The following RXFP1 variants were observed in gnomAD, a reference collection of about 807,000 sequenced individuals.
The protein encoded by RXFP1 is relaxin receptor 1.
In RXFP1, 73 loss-of-function variants were observed where a neutral mutation model predicts 89.8. That is an observed-to-expected ratio of 0.81 (90% CI 0.67 to 0.99). The LOEUF is 0.99. Ranked by LOEUF, RXFP1 falls within the 50% of genes least tolerant of loss-of-function variation. The pLI is 0.00. For synonymous variants in RXFP1, 277 were observed against 305.5 expected, an observed-to-expected ratio of 0.91 and a Z score of 0.97; for missense variants, 793 against 895.5, an observed-to-expected ratio of 0.89 and a Z score of 1.46.
chr4:158,580,063 G>T (rs375686578), intron 2 of RXFP1, among the ~76,000 whole-genome samples: 298 of 152,308 alleles, frequency 2.0e-3, no homozygotes, highest in African/African-American at 6.8e-3. Flanking sequence ...GGTGAGAGGG[G>T]AGGCATCAGG....
intron 2 of RXFP1, among the ~76,000 whole-genome samples, chr4:158,574,118 G>C (rs1194821805): frequency 6.6e-6 from 1 of 152,150 alleles, no homozygotes; most frequent in Non-Finnish European, 1.5e-5. Context: ...AACCTGAATT[G>C]TTTGGATCTG....
chr4:158,534,860 ATATATTATTACC>A (rs992824926), intron 1 of RXFP1, among the ~76,000 whole-genome samples: 115 of 148,340 alleles, frequency 7.8e-4, no homozygotes, highest in South Asian at 2.1e-3. Context: ...TATTATTATT[ATATATTATTACC>A]TATATTATTA....
At chr4:158,526,952 G>T (rs549731932) in intron 1 of RXFP1, among the ~76,000 whole-genome samples, 11 of 152,000 alleles carry the variant, frequency 7.2e-5, no homozygotes, top group Non-Finnish European at 1.6e-4. Context: ...TGTTGCTCCA[G>T]GAACTCAAGT....
intron 4 of RXFP1, among the ~76,000 whole-genome samples, chr4:158,604,605 A>G (rs556658420): frequency 6.6e-6 from 1 of 152,308 alleles, no homozygotes; most frequent in East Asian, 1.9e-4. Flanking sequence ...AAGATGATCC[A>G]ATTATAGGTA....
At chr4:158,610,753 C>T in intron 6 of RXFP1, 1 of 1,261,484 alleles carries the variant, frequency 7.9e-7, no homozygotes, top group Non-Finnish European at 1.0e-6. Flanking sequence ...AGAGAACACC[C>T]TGAGGTTGTA....
At chr4:158,645,240 A>G (rs1177730989) in intron 15 of RXFP1, 102 bp downstream of exon 15, 1 of 840,424 alleles carries the variant, frequency 1.2e-6, no homozygotes, top group Non-Finnish European at 1.9e-6. Context: ...GGAATTTTAC[A>G]TTTTTCTCCT....
Position 158,527,577 on chromosome 4 carries a change from A to ATATATATG in RXFP1, c.49+5553_49+5554insATATATGT, listed in dbSNP as rs1387787232. 8.9e-4 allele frequency among the ~76,000 whole-genome samples: 130 copies of ATATATATG among 145,492 alleles called. 2 individuals are homozygous for ATATATATG. In the South Asian group the frequency reaches 0.025, roughly 28 times the overall value. Reference sequence around the variant, plus strand: ...CAAAAAAAAAAAAATATATATATATATGTATATATATACTGTTGCCTCCTA... The same window carrying ATATATATG: ...CAAAAAAAAAAAAATATATATATATATATATATGTGTATATATATACTGTTGCCTCCTA... On this transcript the variant is annotated intron_variant, in intron 1 of 17. Coordinates refer to ENST00000307765, the MANE Select transcript of RXFP1 (RefSeq NM_021634.4).
chr4:158,536,505 T>C (rs762276943), intron 1 of RXFP1, among the ~76,000 whole-genome samples: 5 of 152,208 alleles, frequency 3.3e-5, no homozygotes, highest in Non-Finnish European at 5.9e-5. Context: ...ACCATAGTCA[T>C]GCTATCTAGA....
At position 158,593,515 on chromosome 4, in the gene RXFP1, A is replaced by G. The variant is rs772597472; in HGVS notation, c.286+16A>G. 9 of 1,473,692 alleles carry G rather than the reference A, an allele frequency of 6.1e-6. No individual in the cohort carries two copies. Among genetic ancestry groups the G allele is most frequent in the Non-Finnish European group, 8.4e-6 (9 of 1,066,806 alleles). The allele number at this position is 1,473,692 out of a possible 1,614,324, so 91.3% of individuals were successfully genotyped here. A position where few individuals can be genotyped will look rare whatever the true frequency, so the allele number is the denominator to read the frequency against. ...CCTGAATGTTGTAAGTAATCAGAGC[A>G]GTTATTTTCTTTTCCATGAGTTCAT... On this transcript the variant is annotated intron_variant, in intron 3 of 17. Coordinates refer to ENST00000307765, the MANE Select transcript of RXFP1 (RefSeq NM_021634.4).
intron 6 of RXFP1, chr4:158,610,510 G>A: frequency 2.5e-6 from 1 of 407,708 alleles, no homozygotes; most frequent in Non-Finnish European, 4.7e-6. Flanking sequence ...TCTAAGATGG[G>A]AAAACAATGC....
intron 3 of RXFP1, among the ~76,000 whole-genome samples, chr4:158,597,416 AC>A (rs1418700526): frequency 6.6e-6 from 1 of 152,222 alleles, no homozygotes; most frequent in Non-Finnish European, 1.5e-5. Context: ...TTCAGAAGCT[AC>A]CAGCATTAAC....
At chr4:158,545,956 C>A (rs2149856198) in intron 1 of RXFP1, among the ~76,000 whole-genome samples, 1 of 151,438 alleles carries the variant, frequency 6.6e-6, no homozygotes, top group African/African-American at 2.5e-5. Context: ...TCCATATGAA[C>A]TTTAAAGTAG....
chr4:158,612,753 G>A lies in RXFP1; in HGVS notation c.680+391G>A, dbSNP rs184329701. On this transcript the variant is annotated intron_variant, in intron 8 of 17. Transcript: ENST00000307765. The stretch of plus-strand genomic sequence containing the variant: ...AGCCTCCCAAGTAGCTGGGATTACA[G>A]GTGTGTGCCATCACGCCCAGCTAAC... Among the ~76,000 whole-genome samples, 97 of 152,148 alleles carry A rather than the reference G, an allele frequency of 6.4e-4. 2 individuals are homozygous for A. Among genetic ancestry groups the A allele is most frequent in the Admixed American group, 4.6e-3 (71 of 15,280 alleles).
chr4:158,568,463 C>G (rs1252804239), intron 1 of RXFP1, among the ~76,000 whole-genome samples: 1 of 152,152 alleles, frequency 6.6e-6, no homozygotes, highest in Non-Finnish European at 1.5e-5. Flanking sequence ...GAGGCTAATT[C>G]ATTAAAGAAT....
chr4:158,606,679 A>G (rs7698952), intron 5 of RXFP1, among the ~76,000 whole-genome samples: 151,425 of 152,060 alleles, frequency 1, 75,417 homozygotes, highest in Middle Eastern at 1. Flanking sequence ...AAACTCCTGG[A>G]CTTAAGTGAT....
chr4:158,588,155 G>A (rs1041079900), intron 2 of RXFP1, among the ~76,000 whole-genome samples: 6 of 152,014 alleles, frequency 3.9e-5, no homozygotes, highest in African/African-American at 1.2e-4. Context: ...CAGAACCCAC[G>A]TGACTCTTTT....
chr4:158,568,486 C>G lies in RXFP1; in HGVS notation c.50-4212C>G, dbSNP rs867113605. On this transcript the variant is annotated intron_variant, in intron 1 of 17. Coordinates refer to ENST00000307765, the MANE Select transcript of RXFP1 (RefSeq NM_021634.4). ...TTCATTAAAGAATTTTTCTTAAAAT[C>G]TTGGTGTTTAAAGTGTTCTTAAAAA... Among the ~76,000 whole-genome samples, 24 of 152,118 alleles carry G rather than the reference C, an allele frequency of 1.6e-4. 1 individual carries two copies. Among genetic ancestry groups the G allele is most frequent in the African/African-American group, 5.8e-4 (24 of 41,428 alleles).
chr4:158,587,423 GA>G (rs1441794758), intron 2 of RXFP1, among the ~76,000 whole-genome samples: 1 of 152,042 alleles, frequency 6.6e-6, no homozygotes, highest in Non-Finnish European at 1.5e-5. Flanking sequence ...AAAATAATGT[GA>G]ATTTAAATTC....
At chr4:158,597,067 G>A (rs1331385542) in intron 3 of RXFP1, among the ~76,000 whole-genome samples, 4 of 152,226 alleles carry the variant, frequency 2.6e-5, no homozygotes, top group African/African-American at 4.8e-5. Context: ...TGCAGCTAAC[G>A]ACTAAATATA....
Sources: gnomAD v4.1 joint callset for allele counts (sites outside exome capture counted in the v4.1 genomes callset) on GRCh38, gnomAD v4.1.1 for gene constraint, MANE v1.5 for transcripts, NCBI Gene and HGNC (gene_info 2026-07-23, HGNC 2026-07-21) for gene names.